PREX2: variants seen among roughly 807,000 people sequenced by gnomAD.
The protein encoded by PREX2 is phosphatidylinositol-3,4,5-trisphosphate dependent Rac exchange factor 2.
Under a neutral mutation model 203.2 loss-of-function variants are expected in PREX2, and 107 were observed. The ratio of observed to expected loss-of-function variants is 0.53; its 90% CI spans 0.45 to 0.62. The LOEUF (loss-of-function observed/expected upper bound fraction) is 0.62. Among genes scored for constraint, PREX2 ranks in the 20% least tolerant of loss-of-function variants. PREX2 has a pLI of 0.00. For missense variants in PREX2, 1,777 were observed against 1,955.9 expected, an observed-to-expected ratio of 0.91 and a Z score of 1.72; for synonymous variants, 672 against 663.6, an observed-to-expected ratio of 1.01 and a Z score of -0.19.
At chr8:68,004,776 T>A (rs1181919430) in intron 1 of PREX2, among the ~76,000 whole-genome samples, 1 of 152,234 alleles carries the variant, frequency 6.6e-6, no homozygotes, top group Non-Finnish European at 1.5e-5. Context: ...CACATTGGAA[T>A]AAAAAAGAAT....
intron 1 of PREX2, among the ~76,000 whole-genome samples, chr8:67,965,939 G>A (rs762711978): frequency 1.1e-4 from 17 of 152,114 alleles, no homozygotes; most frequent in African/African-American, 2.9e-4. Context: ...TTTTTAGTGC[G>A]CTAATAATTC....
intron 1 of PREX2, among the ~76,000 whole-genome samples, chr8:67,995,499 ACC>A (rs1358238254): frequency 1.3e-5 from 2 of 152,230 alleles, no homozygotes; most frequent in Non-Finnish European, 2.9e-5. Flanking sequence ...TAATCAAGAT[ACC>A]ACACCATGTT....
At chr8:68,190,918 G>A (rs1237013602) in intron 35 of PREX2, among the ~76,000 whole-genome samples, 1 of 151,726 alleles carries the variant, frequency 6.6e-6, no homozygotes, top group Non-Finnish European at 1.5e-5. Flanking sequence ...CAAACACAGC[G>A]ATAATTATTT....
chr8:67,952,333 G>A lies in PREX2; in HGVS notation c.-62G>A. ...TCTCGCCGCCGGGGGCCGGGCAGCA[G>A]CGGGCGCGCGGGTCAGCGCTCAGCA... On this transcript the variant is annotated 5_prime_UTR_variant, in exon 1 of 40. Coordinates refer to ENST00000288368, the MANE Select transcript of PREX2 (RefSeq NM_024870.4). 2 of 1,325,186 alleles carry A rather than the reference G, an allele frequency of 1.5e-6. No individual in the cohort carries two copies. The highest frequency in any genetic ancestry group is 1.9e-6 in the Non-Finnish European group (2 of 1,039,418). 82.1% of individuals were successfully genotyped at this position (1,325,186 alleles called of 1,614,324 possible).
Position 68,138,466 on chromosome 8 carries a change from GA to G in PREX2, c.4040del (p.Lys1347ArgfsTer31). The G allele has an allele frequency of 6.2e-7, 1 of 1,606,312 alleles. No homozygotes were observed. The highest frequency in any genetic ancestry group is 1.1e-5 in the South Asian group (1 of 89,566). ...EDTLVALFDL[E>X]KVSFYFKPSE... Reference sequence around the variant, plus strand: ...TACACTGGTTGCACTATTTGATTTGGAAAAGGTTTCCTTTTACTTTAAACCA... The same window carrying G: ...TACACTGGTTGCACTATTTGATTTGGAAAGGTTTCCTTTTACTTTAAACCA... On this transcript the variant is annotated frameshift_variant, in exon 33 of 40. Coordinates refer to ENST00000288368, the MANE Select transcript of PREX2 (RefSeq NM_024870.4). LOFTEE classifies it high-confidence loss of function.
intron 1 of PREX2, among the ~76,000 whole-genome samples, chr8:68,000,902 G>A (rs1460273124): frequency 6.6e-6 from 1 of 152,198 alleles, no homozygotes; most frequent in Non-Finnish European, 1.5e-5. Flanking sequence ...GCCATCTGCA[G>A]AAGATTGAAA....
intron 5 of PREX2, among the ~76,000 whole-genome samples, chr8:68,028,022 A>T (rs1807781022): frequency 6.6e-6 from 1 of 152,038 alleles, no homozygotes; most frequent in African/African-American, 2.4e-5. Flanking sequence ...TAACATCAGG[A>T]TGGGCAGCCT....
Position 68,044,222 on chromosome 8 carries a change from A to C in PREX2, c.840-265A>C, listed in dbSNP as rs574365942. 1.1e-4 allele frequency among the ~76,000 whole-genome samples: 17 copies of C among 152,210 alleles called. No homozygotes were observed. The South Asian group carries it at 3.5e-3, about 32-fold the overall frequency. ...CTAATGTCTTATATTGAGCAAAAGCACATACTCACTCTCCCACCTGTGTAC... is the reference window on the plus strand; with the variant it reads ...CTAATGTCTTATATTGAGCAAAAGCCCATACTCACTCTCCCACCTGTGTAC... On this transcript the variant is annotated intron_variant, in intron 7 of 39. Coordinates refer to ENST00000288368, the MANE Select transcript of PREX2 (RefSeq NM_024870.4).
At chr8:68,192,948 G>A (rs1812326843) in intron 37 of PREX2, among the ~76,000 whole-genome samples, 1 of 152,132 alleles carries the variant, frequency 6.6e-6, no homozygotes, top group African/African-American at 2.4e-5. Flanking sequence ...ATGCTGCTTG[G>A]AGTTGCAACT....
intron 34 of PREX2, among the ~76,000 whole-genome samples, chr8:68,156,228 T>G (rs1484546740): frequency 6.7e-6 from 1 of 149,978 alleles, no homozygotes; most frequent in Non-Finnish European, 1.5e-5. Flanking sequence ...GCCAGGCTAA[T>G]TTTTTAACTT....
At chr8:68,108,598 G>T (rs1009392460) in intron 24 of PREX2, among the ~76,000 whole-genome samples, 2 of 152,282 alleles carry the variant, frequency 1.3e-5, no homozygotes, top group East Asian at 3.9e-4. Flanking sequence ...AGCTCATCTT[G>T]CTGTGAAAGC....
intron 1 of PREX2, among the ~76,000 whole-genome samples, chr8:67,988,566 A>T (rs778066027): frequency 1.3e-5 from 2 of 152,146 alleles, no homozygotes; most frequent in African/African-American, 4.8e-5. Context: ...TTCATAATAG[A>T]ACACTGGCTC....
chr8:68,230,391 G>A (rs1813144108), intron 39 of PREX2, among the ~76,000 whole-genome samples: 1 of 152,202 alleles, frequency 6.6e-6, no homozygotes, highest in Admixed American at 6.5e-5. Flanking sequence ...ATTAGTCCAA[G>A]CTCTGCAGTG....
At chr8:68,071,969 T>G (rs1300971740) in intron 13 of PREX2, among the ~76,000 whole-genome samples, 7 of 152,148 alleles carry the variant, frequency 4.6e-5, no homozygotes, top group Non-Finnish European at 1.5e-5. Flanking sequence ...GAAATTCTAT[T>G]TTATTATTTT....
At chr8:68,226,854 A>T (rs954758792) in intron 39 of PREX2, among the ~76,000 whole-genome samples, 6 of 152,224 alleles carry the variant, frequency 3.9e-5, no homozygotes, top group African/African-American at 1.4e-4. Context: ...CAGAGAGAAG[A>T]GGTCACAGAA....
In PREX2 at chr8:68,233,699, T is replaced by G. The variant is rs1813213173; in HGVS notation, c.*2321T>G. ...TCCTCATAATAATGACGTGACATGG[T>G]ACTCTTTTTATCGCGCCCATTTTTA... On this transcript the variant is annotated 3_prime_UTR_variant, in exon 40 of 40. Transcript: ENST00000288368. 1 of 152,178 alleles carries G rather than the reference T, an allele frequency of 6.6e-6. No individual in the cohort carries two copies. The highest frequency in any genetic ancestry group is 1.5e-5 in the Non-Finnish European group (1 of 68,036). 9.4% of individuals were successfully genotyped at this position (152,178 alleles called of 1,614,324 possible). A position where few individuals can be genotyped will look rare whatever the true frequency, so the allele number is the denominator to read the frequency against.
chr8:68,136,851 C>T (rs1811122504), intron 32 of PREX2, among the ~76,000 whole-genome samples: 1 of 152,018 alleles, frequency 6.6e-6, no homozygotes, highest in Admixed American at 6.5e-5. Context: ...AAATTCTTTA[C>T]CACCTCCTTC....
intron 1 of PREX2, among the ~76,000 whole-genome samples, chr8:68,003,486 A>G (rs1205868665): frequency 6.6e-6 from 1 of 152,172 alleles, no homozygotes; most frequent in Non-Finnish European, 1.5e-5. Context: ...GGGCCCTGGT[A>G]ACACCTGGAA....
At chr8:68,187,661 A>C (rs561473755) in intron 35 of PREX2, among the ~76,000 whole-genome samples, 1 of 152,322 alleles carries the variant, frequency 6.6e-6, no homozygotes, top group African/African-American at 2.4e-5. Context: ...TACCAAGTTT[A>C]CTTGAGAAAA....
Sources: gnomAD v4.1 joint callset for allele counts (sites outside exome capture counted in the v4.1 genomes callset) on GRCh38, gnomAD v4.1.1 for gene constraint, MANE v1.5 for transcripts, NCBI Gene and HGNC (gene_info 2026-07-23, HGNC 2026-07-21) for gene names.